Variants in ZFAT observed in about 807,000 individuals in gnomAD.
ZFAT encodes the protein zinc finger protein ZFAT.
A neutral mutation model predicts 117.7 loss-of-function variants in ZFAT; 64 were observed. That is an observed-to-expected ratio of 0.54 (90% CI 0.44 to 0.67). ZFAT has a LOEUF of 0.67. Ranked by LOEUF, ZFAT falls within the 30% of genes least tolerant of loss-of-function variation. ZFAT has a pLI of 0.00. For missense variants in ZFAT, 1,433 were observed against 1,584.5 expected (o/e 0.90, Z 1.62); for synonymous variants, 679 against 615.0 (o/e 1.10, Z -1.54).
chr8:134,503,928 A>G (rs889364342), intron 15 of ZFAT, among the ~76,000 whole-genome samples: 1 of 148,216 alleles, frequency 6.7e-6, no homozygotes, highest in Non-Finnish European at 1.5e-5. Flanking sequence ...ACACACACAC[A>G]CACACGCACA....
chr8:134,504,333 G>A (rs1488359165), intron 15 of ZFAT, among the ~76,000 whole-genome samples: 1 of 152,034 alleles, frequency 6.6e-6, no homozygotes, highest in Non-Finnish European at 1.5e-5. Context: ...ACAAAACTCA[G>A]AAAGACCGAA....
At chr8:134,668,053 C>T (rs991808539) in intron 1 of ZFAT, among the ~76,000 whole-genome samples, 2 of 152,150 alleles carry the variant, frequency 1.3e-5, no homozygotes, top group African/African-American at 4.8e-5. Flanking sequence ...GGCACTGAGG[C>T]TGGGGAAGGG....
chr8:134,791,708 G>T, the ZFAT span, among the ~76,000 whole-genome samples: 1 of 152,170 alleles, frequency 6.6e-6, no homozygotes, highest in Non-Finnish European at 1.5e-5. Context: ...AAGGTGAATT[G>T]TAAGTACAAT....
At chr8:134,581,195 C>T (rs1825686615) in intron 10 of ZFAT, among the ~76,000 whole-genome samples, 1 of 151,870 alleles carries the variant, frequency 6.6e-6, no homozygotes, top group African/African-American at 2.4e-5. Context: ...AAAGCTACAT[C>T]CTAGATCAGC....
At position 134,593,525 on chromosome 8, in the gene ZFAT, G is replaced by C. The variant is rs918814520; in HGVS notation, c.2476-3170C>G. Among the ~76,000 whole-genome samples the C allele has an allele frequency of 6.6e-5, 10 of 152,190 alleles. 1 individual carries two copies. The highest frequency in any genetic ancestry group is 5.9e-4 in the Admixed American group (9 of 15,286). On this transcript the variant is annotated intron_variant, in intron 7 of 15. Transcript: ENST00000377838. ...GACCCATGCCTTAATGACGGTAGGA[G>C]AGCCCAGCTTTTGGAGTCTGTTTGC...
At chr8:134,724,127 G>C in the ZFAT span, among the ~76,000 whole-genome samples, 1 of 152,210 alleles carries the variant, frequency 6.6e-6, no homozygotes, top group Non-Finnish European at 1.5e-5. Context: ...TCTATAAGCA[G>C]GCTCAGGTGC....
chr8:134,543,785 C>T (rs1322625909), intron 11 of ZFAT, among the ~76,000 whole-genome samples: 1 of 152,174 alleles, frequency 6.6e-6, no homozygotes, highest in African/African-American at 2.4e-5. Flanking sequence ...GGATTCAATG[C>T]TGACCCATTC....
the ZFAT span, among the ~76,000 whole-genome samples, chr8:134,790,100 A>C: frequency 6.6e-6 from 1 of 152,104 alleles, no homozygotes; most frequent in Non-Finnish European, 1.5e-5. Context: ...TGACCTGCTA[A>C]AGTAATTTTT....
intron 11 of ZFAT, among the ~76,000 whole-genome samples, chr8:134,550,911 A>C (rs1468161443): frequency 6.6e-6 from 1 of 151,904 alleles, no homozygotes; most frequent in Non-Finnish European, 1.5e-5. Flanking sequence ...ATTTTCTTGC[A>C]AATTTGGAAC....
rs1161225511 is a variant in ZFAT at position 134,602,767 on chromosome 8, G to C, written c.952C>G (p.Leu318Val). 1 of 1,613,970 alleles carries C rather than the reference G, an allele frequency of 6.2e-7. No homozygotes were observed. Among genetic ancestry groups the C allele is most frequent in the Non-Finnish European group, 8.5e-7 (1 of 1,179,830 alleles). Residue 318 changes from leucine (L) to valine (V), a missense_variant, in exon 6 of 16, where the codon CTG (leucine) becomes GTG (valine). This residue lies in a region of ZFAT where 436 missense variants were observed against 482.0 expected (regional missense o/e 0.90). Coordinates refer to ENST00000377838, the MANE Select transcript of ZFAT (RefSeq NM_020863.4). Reference protein sequence around the residue: ...SAIKANLNVHLRKHTGEKFAC... With the variant: ...SAIKANLNVHVRKHTGEKFAC... Reference sequence around the variant, plus strand: ...AACTTCTCTCCAGTGTGCTTGCGCAGGTGCACATTGAGGTTGGCCTTGATG... The same window carrying C: ...AACTTCTCTCCAGTGTGCTTGCGCACGTGCACATTGAGGTTGGCCTTGATG...
At chr8:134,605,463 G>A (rs534036439) in intron 5 of ZFAT, among the ~76,000 whole-genome samples, 47 of 151,808 alleles carry the variant, frequency 3.1e-4, no homozygotes, top group Non-Finnish European at 5.4e-4. Flanking sequence ...GGAGAATGGC[G>A]TGAACCCAGG....
chr8:134,727,725 T>C, the ZFAT span, among the ~76,000 whole-genome samples: 3 of 152,204 alleles, frequency 2.0e-5, no homozygotes, highest in Admixed American at 2.0e-4. Flanking sequence ...AGTAAATATT[T>C]TCAGTTTTGC....
chr8:134,573,340 T>A (rs1825074091), intron 10 of ZFAT, among the ~76,000 whole-genome samples: 1 of 152,106 alleles, frequency 6.6e-6, no homozygotes, highest in African/African-American at 2.4e-5. Context: ...GAACCTTCCT[T>A]GGAAGGTTCT....
At chr8:134,569,993 C>A (rs566065924) in intron 10 of ZFAT, among the ~76,000 whole-genome samples, 2 of 152,316 alleles carry the variant, frequency 1.3e-5, no homozygotes, top group African/African-American at 4.8e-5. Context: ...CCACCCAGAG[C>A]AAAAGCCAAG....
At chr8:134,514,279 C>A (rs570168780) in intron 13 of ZFAT, among the ~76,000 whole-genome samples, 1 of 152,124 alleles carries the variant, frequency 6.6e-6, no homozygotes, top group Admixed American at 6.5e-5. Context: ...CAGCTGGAAG[C>A]GAGGCTTTAC....
At chr8:134,731,208 A>G in the ZFAT span, among the ~76,000 whole-genome samples, 1 of 152,214 alleles carries the variant, frequency 6.6e-6, no homozygotes, top group Non-Finnish European at 1.5e-5. Context: ...TTAAACTTAC[A>G]TCTTCCCTGT....
chr8:134,640,460 T>A (rs1487268512), intron 2 of ZFAT, among the ~76,000 whole-genome samples: 2 of 152,186 alleles, frequency 1.3e-5, no homozygotes, highest in Non-Finnish European at 2.9e-5. Flanking sequence ...TTGCACTTGC[T>A]GGAGCACAGC....
At chr8:134,593,049 T>C (rs1184056367) in intron 7 of ZFAT, among the ~76,000 whole-genome samples, 1 of 152,130 alleles carries the variant, frequency 6.6e-6, no homozygotes, top group African/African-American at 2.4e-5. Context: ...AGAGCACTCC[T>C]GTCACTGTCC....
chr8:134,563,353 C>A (rs1185866197), intron 11 of ZFAT, among the ~76,000 whole-genome samples: 1 of 152,168 alleles, frequency 6.6e-6, no homozygotes, highest in Admixed American at 6.5e-5. Flanking sequence ...GAGAAAAGCA[C>A]AAGACTAGGA....
Sources: allele counts gnomAD v4.1 joint callset (sites outside exome capture counted in the v4.1 genomes callset), GRCh38; gene constraint gnomAD v4.1.1; regional missense constraint gnomAD v4.1.1; transcripts MANE v1.5; gene names NCBI Gene and HGNC (gene_info 2026-07-23, HGNC 2026-07-21).